The following AKNAD1 variants were observed in gnomAD, a reference collection of about 807,000 sequenced individuals.
AKNAD1 encodes the protein protein AKNAD1.
AKNAD1 carries 67 observed loss-of-function variants against 90.8 expected under a neutral mutation model. The ratio of observed to expected loss-of-function variants is 0.74; its 90% CI spans 0.61 to 0.90. AKNAD1 has a LOEUF of 0.90. Ranked by LOEUF, AKNAD1 falls within the 40% of genes least tolerant of loss-of-function variation. AKNAD1 has a pLI of 0.00. For synonymous variants in AKNAD1, 327 were observed against 341.4 expected, an observed-to-expected ratio of 0.96 and a Z score of 0.46; for missense variants, 957 against 975.4, an observed-to-expected ratio of 0.98 and a Z score of 0.25.
intron 9 of AKNAD1, among the ~76,000 whole-genome samples, chr1:108,831,099 G>C (rs1664183005): frequency 6.6e-6 from 1 of 152,150 alleles, no homozygotes; most frequent in African/African-American, 2.4e-5. Flanking sequence ...AGCTCTAAAA[G>C]CCTTTCTAAA....
intron 15 of AKNAD1, 51 bp downstream of exon 15, chr1:108,816,997 G>T (rs1557821759): frequency 6.2e-7 from 1 of 1,603,952 alleles, no homozygotes; most frequent in Non-Finnish European, 8.5e-7. Context: ...TGGGCATCAA[G>T]ATCAAACTTA....
At position 108,820,988 on chromosome 1, in the gene AKNAD1, G is replaced by A. The variant is rs192773039; in HGVS notation, c.2168-362C>T. 3.1e-3 allele frequency among the ~76,000 whole-genome samples: 472 copies of A among 152,330 alleles called. 10 individuals carry two copies. The highest frequency in any genetic ancestry group is 0.027 in the Admixed American group (408 of 15,302). ...CAGTTTTGTAGCTACTTAGGAGGCTGAGGCAGGAGGTTCACTAGAGCCCAG... is the reference window on the plus strand; with the variant it reads ...CAGTTTTGTAGCTACTTAGGAGGCTAAGGCAGGAGGTTCACTAGAGCCCAG... On this transcript the variant is annotated intron_variant, in intron 13 of 15. Coordinates refer to ENST00000370001, the MANE Select transcript of AKNAD1 (RefSeq NM_152763.5).
intron 15 of AKNAD1, 84 bp from the exon 16 acceptor site, chr1:108,816,386 C>T (rs1471320322): frequency 7.0e-7 from 1 of 1,433,646 alleles, no homozygotes; most frequent in African/African-American, 1.4e-5. Flanking sequence ...TTAAACATTA[C>T]AAGGTGGAAT....
intron 1 of AKNAD1, among the ~76,000 whole-genome samples, chr1:108,856,118 G>A (rs1434653465): frequency 6.6e-6 from 1 of 151,892 alleles, no homozygotes; most frequent in Non-Finnish European, 1.5e-5. Flanking sequence ...CTCCCAAAGT[G>A]CTGGGATTAC....
chr1:108,823,832 G>A, intron 11 of AKNAD1, 144 bp from the exon 12 acceptor site: 5 of 1,265,934 alleles, frequency 3.9e-6, no homozygotes, highest in Non-Finnish European at 5.4e-6. Context: ...ACCAAGAGGA[G>A]TTGCCAGCCT....
At chr1:108,819,101 A>G (rs1663728465) in intron 14 of AKNAD1, among the ~76,000 whole-genome samples, 1 of 151,930 alleles carries the variant, frequency 6.6e-6, no homozygotes, top group Admixed American at 6.6e-5. Context: ...CTGCTGCGCT[A>G]TTGGTTCTGT....
rs386368014 is a variant in AKNAD1, at chr1:108,839,472, A to AAAAAAAAAAAG, written c.1380-1777_1380-1767dup. ...TGGAGGAGCGAGACTCCGTCTCAAT[A>AAAAAAAAAAAG]AAAAAAAAAAGAAAAGGGAAAATTG... is the stretch of plus-strand genomic sequence containing the variant. On this transcript the variant is annotated intron_variant, in intron 6 of 15. Coordinates refer to ENST00000370001, the MANE Select transcript of AKNAD1 (RefSeq NM_152763.5). Among the ~76,000 whole-genome samples the AAAAAAAAAAAG allele has an allele frequency of 2.2e-4, 5 of 23,100 alleles. 1 individual carries two copies. Among genetic ancestry groups the AAAAAAAAAAAG allele is most frequent in the South Asian group, 9.3e-3 (2 of 216 alleles). The allele number at this position is 23,100 out of a possible 152,430, so 15.2% of individuals were successfully genotyped here.
upstream of AKNAD1, chr1:108,858,092 C>G (rs1665098543): frequency 6.6e-6 from 1 of 152,600 alleles, no homozygotes; most frequent in Non-Finnish European, 1.5e-5. Context: ...CACAGGTGAA[C>G]AAGTTGAAGG....
chr1:108,830,178 T>G (rs1485014298), intron 10 of AKNAD1, among the ~76,000 whole-genome samples: 1 of 152,002 alleles, frequency 6.6e-6, no homozygotes, highest in Non-Finnish European at 1.5e-5. Flanking sequence ...TGGGCAATGA[T>G]CAAAAGCCTA....
At chr1:108,850,047 A>G (rs1664806059) in intron 2 of AKNAD1, among the ~76,000 whole-genome samples, 2 of 151,986 alleles carry the variant, frequency 1.3e-5, no homozygotes, top group South Asian at 4.2e-4. Flanking sequence ...CACAAAACTC[A>G]TGGTAGCCAC....
At chr1:108,816,717 T>C (rs188750691) in intron 15 of AKNAD1, among the ~76,000 whole-genome samples, 1 of 152,210 alleles carries the variant, frequency 6.6e-6, no homozygotes, top group East Asian at 1.9e-4. Context: ...AGTTAGTGAT[T>C]TGAAATAGGA....
intron 5 of AKNAD1, among the ~76,000 whole-genome samples, chr1:108,845,397 T>C (rs937160112): frequency 6.6e-6 from 1 of 152,162 alleles, no homozygotes; most frequent in African/African-American, 2.4e-5. Flanking sequence ...ACTCTGTCCC[T>C]CCACCAAAAG....
At chr1:108,845,704 A>T (rs2101206820) in intron 5 of AKNAD1, among the ~76,000 whole-genome samples, 1 of 152,220 alleles carries the variant, frequency 6.6e-6, no homozygotes, top group East Asian at 1.9e-4. Context: ...AGTGAGAAGA[A>T]TGTGGTAGAC....
intron 7 of AKNAD1, among the ~76,000 whole-genome samples, chr1:108,835,552 C>T (rs1260844958): frequency 6.6e-6 from 1 of 152,114 alleles, no homozygotes; most frequent in Non-Finnish European, 1.5e-5. Context: ...GGTAGTCTGG[C>T]TTCAGAGTCA....
In AKNAD1 at chr1:108,851,891, G is replaced by A; in HGVS notation, c.774C>T (p.Leu258=). The stretch of plus-strand genomic sequence containing the variant: ...TGGGAGCAATCTTAGAGAAATCAGG[G>A]AGCTGGTAATGAACTTGACCTTGGC... ...KYGQGQVHYQ[L]PDFSKIAPKV... Residue 258 remains leucine, a synonymous_variant, in exon 2 of 16, where the codon CTC becomes CTT. Transcript: ENST00000370001. The A allele has an allele frequency of 1.9e-6, 3 of 1,614,034 alleles. No homozygotes were observed. In the South Asian group the frequency reaches 3.3e-5, roughly 18 times the overall value.
At chr1:108,853,428 G>A (rs956901797) in intron 1 of AKNAD1, among the ~76,000 whole-genome samples, 5 of 151,756 alleles carry the variant, frequency 3.3e-5, no homozygotes, top group African/African-American at 4.8e-5. Flanking sequence ...ACCGCGCCCG[G>A]CCTGATTTTT....
At chr1:108,856,701 GTCTC>G (rs369506733) in intron 1 of AKNAD1, among the ~76,000 whole-genome samples, 3 of 140,918 alleles carry the variant, frequency 2.1e-5, no homozygotes, top group Non-Finnish European at 3.2e-5. Context: ...GCAAGACCCT[GTCTC>G]TCTCTCTCTC....
chr1:108,834,102 C>A (rs1664297028), intron 9 of AKNAD1, among the ~76,000 whole-genome samples: 1 of 152,190 alleles, frequency 6.6e-6, no homozygotes, highest in South Asian at 2.1e-4. Flanking sequence ...CCAGAACCAG[C>A]AGCTTTGGCA....
intron 5 of AKNAD1, among the ~76,000 whole-genome samples, chr1:108,846,417 T>C (rs574032649): frequency 3.9e-5 from 6 of 152,332 alleles, no homozygotes; most frequent in Non-Finnish European, 8.8e-5. Context: ...TTCCAATTCC[T>C]GAAATCCTAG....
Sources: gnomAD v4.1 joint callset for allele counts (sites outside exome capture counted in the v4.1 genomes callset) on GRCh38, gnomAD v4.1.1 for gene constraint, MANE v1.5 for transcripts, NCBI Gene and HGNC (gene_info 2026-07-23, HGNC 2026-07-21) for gene names.